The following SYT1 variants were observed in gnomAD, a reference collection of about 807,000 sequenced individuals.
The protein encoded by SYT1 is synaptotagmin 1, also known as synaptotagmin-1.
Under a neutral mutation model 44.8 loss-of-function variants are expected in SYT1, and 8 were observed. That is an observed-to-expected ratio of 0.18 (90% CI 0.10 to 0.32). SYT1 has a LOEUF of 0.32. Among genes scored for constraint, SYT1 ranks in the 10% least tolerant of loss-of-function variants. The probability of loss-of-function intolerance (pLI) is 1.00; values close to 1 mark genes in which losing one functional copy is unlikely to be tolerated. For missense variants in SYT1, 286 were observed against 509.3 expected (o/e 0.56, Z 4.22); for synonymous variants, 154 against 188.8 (o/e 0.82, Z 1.51).
chr12:79,217,786 C>A, intron 4 of SYT1, 101 bp downstream of exon 4: 1 of 902,738 alleles, frequency 1.1e-6, no homozygotes, highest in Non-Finnish European at 1.5e-6. Context: ...TATAAATTTA[C>A]ATTTAATTTA....
intron 8 of SYT1, among the ~76,000 whole-genome samples, chr12:79,315,170 TTTC>T (rs1881023035): frequency 6.6e-6 from 1 of 152,126 alleles, no homozygotes; most frequent in African/African-American, 2.4e-5. Context: ...CAATAAGCTG[TTTC>T]TTATTTTTTA....
chr12:79,301,881 GTA>G (rs1379971120), intron 8 of SYT1, among the ~76,000 whole-genome samples: 10 of 152,052 alleles, frequency 6.6e-5, no homozygotes, highest in African/African-American at 2.4e-4. Flanking sequence ...CTTTATCAAG[GTA>G]TAGGTTATAA....
At chr12:79,183,126 A>T (rs754518230) in intron 3 of SYT1, among the ~76,000 whole-genome samples, 1 of 152,070 alleles carries the variant, frequency 6.6e-6, no homozygotes, top group Non-Finnish European at 1.5e-5. Flanking sequence ...TTAGAGATTC[A>T]AGCTAGACAA....
chr12:79,386,927 T>A (rs759724928), intron 9 of SYT1, among the ~76,000 whole-genome samples: 1 of 152,162 alleles, frequency 6.6e-6, no homozygotes, highest in Non-Finnish European at 1.5e-5. Flanking sequence ...AATTCACATA[T>A]ATGAAAGACA....
In SYT1 at chr12:79,449,084, T is replaced by G; in HGVS notation, c.1229T>G (p.Val410Gly). The G allele has an allele frequency of 6.2e-7, 1 of 1,613,874 alleles. No individual in the cohort carries two copies. Among genetic ancestry groups the G allele is most frequent in the Non-Finnish European group, 8.5e-7 (1 of 1,179,902 alleles). ...RPIAQWHTLQ[V>G]EEEVDAMLAV... Reference sequence around the variant, plus strand: ...ATTGCCCAGTGGCACACCCTGCAGGTAGAGGAGGAAGTTGATGCCATGCTG... The same window carrying G: ...ATTGCCCAGTGGCACACCCTGCAGGGAGAGGAGGAAGTTGATGCCATGCTG... Residue 410 changes from valine to glycine, a missense_variant, in exon 11 of 11, where the codon GTA (valine) becomes GGA (glycine). This residue lies in a region of SYT1 where 34 missense variants were observed against 59.0 expected (regional missense o/e 0.58). Transcript: ENST00000261205.
At chr12:79,028,256 A>G (rs960197606) in intron 2 of SYT1, among the ~76,000 whole-genome samples, 1 of 151,402 alleles carries the variant, frequency 6.6e-6, no homozygotes, top group Non-Finnish European at 1.5e-5. Context: ...ACCTTATCAG[A>G]TATTTCTTCA....
At chr12:79,253,468 A>G (rs1877336683) in intron 4 of SYT1, among the ~76,000 whole-genome samples, 1 of 146,744 alleles carries the variant, frequency 6.8e-6, no homozygotes, top group African/African-American at 2.6e-5. Context: ...CTGTTCCACC[A>G]AAAGCCATTG....
intron 8 of SYT1, among the ~76,000 whole-genome samples, chr12:79,347,467 T>G (rs1366212802): frequency 6.6e-6 from 1 of 152,188 alleles, no homozygotes; most frequent in Non-Finnish European, 1.5e-5. Flanking sequence ...GACTGAGGTC[T>G]TGATGTAACT....
At chr12:78,928,419 A>G (rs967520012) in intron 1 of SYT1, among the ~76,000 whole-genome samples, 7 of 152,164 alleles carry the variant, frequency 4.6e-5, no homozygotes, top group African/African-American at 1.7e-4. Context: ...GATTTCATGA[A>G]TAGAAGACTC....
chr12:79,186,169 A>G (rs1035938722), intron 3 of SYT1, among the ~76,000 whole-genome samples: 4 of 152,022 alleles, frequency 2.6e-5, no homozygotes, highest in Admixed American at 2.0e-4. Context: ...TCATAAGTAT[A>G]AAATTTTTAT....
intron 3 of SYT1, among the ~76,000 whole-genome samples, chr12:79,154,406 C>CTTT (rs570100866): frequency 2.1e-5 from 3 of 141,916 alleles, no homozygotes; most frequent in Non-Finnish European, 4.7e-5. Context: ...TTTTTTTCTC[C>CTTT]TTTTTTTTTT....
chr12:79,316,552 G>C (rs552473871), intron 8 of SYT1, among the ~76,000 whole-genome samples: 1 of 152,108 alleles, frequency 6.6e-6, no homozygotes. Context: ...CAGGACCCCA[G>C]GTAATAGTCT....
intron 2 of SYT1, among the ~76,000 whole-genome samples, chr12:79,040,976 G>T (rs1033813615): frequency 1.3e-5 from 2 of 151,888 alleles, no homozygotes; most frequent in African/African-American, 4.8e-5. Flanking sequence ...CTGTTCCATT[G>T]ATCTATATCT....
At chr12:78,989,739 A>G (rs1255685276) in intron 2 of SYT1, among the ~76,000 whole-genome samples, 1 of 152,138 alleles carries the variant, frequency 6.6e-6, no homozygotes, top group Middle Eastern at 3.2e-3. Context: ...TCTAAAATTG[A>G]GAGGACAAGT....
At chr12:78,930,244 G>A (rs1487876768) in intron 1 of SYT1, among the ~76,000 whole-genome samples, 2 of 152,078 alleles carry the variant, frequency 1.3e-5, no homozygotes, top group African/African-American at 4.8e-5. Flanking sequence ...GCAATGTATA[G>A]ATGGATGAAA....
intron 1 of SYT1, among the ~76,000 whole-genome samples, chr12:78,965,565 A>G (rs1046551173): frequency 6.6e-6 from 1 of 152,222 alleles, no homozygotes; most frequent in African/African-American, 2.4e-5. Flanking sequence ...TAAATCAAAT[A>G]TCACTTTAAC....
intron 1 of SYT1, among the ~76,000 whole-genome samples, chr12:78,975,099 C>G (rs1484094025): frequency 2.0e-5 from 3 of 150,762 alleles, no homozygotes; most frequent in Admixed American, 1.3e-4. Flanking sequence ...CCACCCCCAC[C>G]TCCCTGATCC....
chr12:79,206,359 G>T (rs1418742561), intron 3 of SYT1, among the ~76,000 whole-genome samples: 1 of 152,096 alleles, frequency 6.6e-6, no homozygotes, highest in Non-Finnish European at 1.5e-5. Context: ...CAACCCAGAT[G>T]CAGATCCCTT....
chr12:79,028,896 C>T (rs906976159), intron 2 of SYT1, among the ~76,000 whole-genome samples: 3 of 151,122 alleles, frequency 2.0e-5, no homozygotes, highest in South Asian at 2.1e-4. Context: ...ACATAGAAAA[C>T]GTATGTAGAG....
Sources: allele counts gnomAD v4.1 joint callset (sites outside exome capture counted in the v4.1 genomes callset), GRCh38; gene constraint gnomAD v4.1.1; regional missense constraint gnomAD v4.1.1; transcripts MANE v1.5; gene names NCBI Gene and HGNC (gene_info 2026-07-23, HGNC 2026-07-21).